The following CRY1 variants were observed in gnomAD, a reference collection of about 807,000 sequenced individuals.
The protein encoded by CRY1 is cryptochrome circadian regulator 1.
Under a neutral mutation model 76.0 loss-of-function variants are expected in CRY1, and 45 were observed. That is an observed-to-expected ratio of 0.59 (90% CI 0.47 to 0.76). The LOEUF is 0.76. Ranked by LOEUF, CRY1 falls within the 30% of genes least tolerant of loss-of-function variation. The probability of loss-of-function intolerance (pLI) is 0.00; values close to 1 mark genes in which losing one functional copy is unlikely to be tolerated. For synonymous variants in CRY1, 248 were observed against 244.0 expected, an observed-to-expected ratio of 1.02 and a Z score of -0.15; for missense variants, 587 against 716.4, an observed-to-expected ratio of 0.82 and a Z score of 2.06.
intron 1 of CRY1, among the ~76,000 whole-genome samples, chr12:107,080,568 G>C (rs968038354): frequency 6.6e-6 from 1 of 151,974 alleles, no homozygotes; most frequent in East Asian, 1.9e-4. Context: ...CACTAATAGC[G>C]CTGGCAGGAA....
chr12:107,033,261 A>G (rs1042018756), intron 1 of CRY1, among the ~76,000 whole-genome samples: 9 of 152,220 alleles, frequency 5.9e-5, no homozygotes, highest in Admixed American at 3.9e-4. Context: ...TTGAATCCAT[A>G]GCTTAAAATC....
chr12:107,054,460 TA>T (rs1952959976), intron 1 of CRY1, among the ~76,000 whole-genome samples: 1 of 151,112 alleles, frequency 6.6e-6, no homozygotes, highest in Non-Finnish European at 1.5e-5. Context: ...AAAAGAATAT[TA>T]AAAAATAGAA....
intron 1 of CRY1, among the ~76,000 whole-genome samples, chr12:107,046,319 C>A (rs912897097): frequency 6.0e-5 from 9 of 151,230 alleles, no homozygotes; most frequent in African/African-American, 2.2e-4. Context: ...CAAAGGCATC[C>A]TACATCTAAA....
intron 1 of CRY1, among the ~76,000 whole-genome samples, chr12:107,062,581 G>C (rs745543717): frequency 6.6e-5 from 10 of 152,020 alleles, no homozygotes; most frequent in Non-Finnish European, 1.3e-4. Flanking sequence ...TTCTTCTCCT[G>C]GTTTTTCTGT....
At chr12:107,006,462 A>T (rs765665576) in intron 2 of CRY1, among the ~76,000 whole-genome samples, 14 of 152,174 alleles carry the variant, frequency 9.2e-5, no homozygotes, top group Non-Finnish European at 1.5e-4. Context: ...TATTTATCCA[A>T]TTTTTTCCTA....
At chr12:107,021,654 G>A (rs1952559621) in intron 2 of CRY1, among the ~76,000 whole-genome samples, 1 of 151,650 alleles carries the variant, frequency 6.6e-6, no homozygotes, top group African/African-American at 2.4e-5. Flanking sequence ...TTAACAAAGG[G>A]GACAGTAACA....
At position 107,031,995 on chromosome 12, in the gene CRY1, C is replaced by T. The variant is rs138033891; in HGVS notation, c.159-9803G>A. 6.5e-4 allele frequency among the ~76,000 whole-genome samples: 99 copies of T among 152,298 alleles called. No individual in the cohort carries two copies. In the East Asian group the frequency reaches 0.018, roughly 28 times the overall value. On this transcript the variant is annotated intron_variant, in intron 1 of 12. Coordinates refer to ENST00000008527, the MANE Select transcript of CRY1 (RefSeq NM_004075.5). ...TGTCGCCCAGGATAGAGTGCAGTGG[C>T]ATGATCTTGGCTCACTGCAACCTCC...
At chr12:107,040,611 T>C (rs1351691963) in intron 1 of CRY1, among the ~76,000 whole-genome samples, 1 of 152,042 alleles carries the variant, frequency 6.6e-6, no homozygotes, top group Non-Finnish European at 1.5e-5. Context: ...AAAAATCTGT[T>C]GTAGAACTTT....
chr12:107,044,216 C>T (rs1952827306), intron 1 of CRY1, among the ~76,000 whole-genome samples: 6 of 152,200 alleles, frequency 3.9e-5, no homozygotes, highest in Admixed American at 3.9e-4. Context: ...GCTGCTGCAG[C>T]TGCTTGTAGG....
At chr12:106,997,272 C>A (rs1952243250) in intron 10 of CRY1, 22 bp downstream of exon 10, 2 of 1,586,948 alleles carry the variant, frequency 1.3e-6, no homozygotes, top group African/African-American at 2.7e-5. Flanking sequence ...TTACTAAGTG[C>A]AGAAATTTCC....
chr12:107,013,377 A>G (rs1403908493), intron 2 of CRY1, among the ~76,000 whole-genome samples: 3 of 152,232 alleles, frequency 2.0e-5, no homozygotes, highest in Non-Finnish European at 1.5e-5. Flanking sequence ...TAGCAACAAA[A>G]TATCTTTAAT....
intron 1 of CRY1, among the ~76,000 whole-genome samples, chr12:107,025,275 C>T (rs1463466959): frequency 2.0e-5 from 3 of 152,160 alleles, no homozygotes; most frequent in Admixed American, 6.5e-5. Flanking sequence ...ACGAGATACA[C>T]TACATATGTA....
intron 10 of CRY1, among the ~76,000 whole-genome samples, chr12:106,996,853 T>C (rs1952238020): frequency 6.6e-6 from 1 of 152,200 alleles, no homozygotes; most frequent in Non-Finnish European, 1.5e-5. Context: ...GACCAGACTT[T>C]ATAAGAAAAA....
At chr12:107,031,591 A>C (rs1952675309) in intron 1 of CRY1, among the ~76,000 whole-genome samples, 1 of 152,204 alleles carries the variant, frequency 6.6e-6, no homozygotes, top group Admixed American at 6.5e-5. Flanking sequence ...AACACCAGTG[A>C]TAGGTCAATC....
chr12:107,010,011 C>A (rs1381402128), intron 2 of CRY1, among the ~76,000 whole-genome samples: 1 of 152,014 alleles, frequency 6.6e-6, no homozygotes, highest in African/African-American at 2.4e-5. Flanking sequence ...CATCTAAGGG[C>A]TTGAAGTTTG....
At chr12:107,064,083 G>T (rs891889570) in intron 1 of CRY1, among the ~76,000 whole-genome samples, 1 of 152,062 alleles carries the variant, frequency 6.6e-6, no homozygotes, top group Non-Finnish European at 1.5e-5. Context: ...GGTTATGAGA[G>T]AACTTTCTGT....
intron 3 of CRY1, among the ~76,000 whole-genome samples, chr12:107,002,321 C>G (rs1036289695): frequency 1.3e-5 from 2 of 152,028 alleles, no homozygotes; most frequent in Non-Finnish European, 2.9e-5. Flanking sequence ...TGGCCCAGCT[C>G]AAAGAATCTC....
At chr12:107,003,519 G>A (rs983230863) in intron 3 of CRY1, among the ~76,000 whole-genome samples, 8 of 152,258 alleles carry the variant, frequency 5.3e-5, no homozygotes, top group Admixed American at 2.0e-4. Context: ...TATACAATAC[G>A]TAGTGATGTA....
intron 1 of CRY1, among the ~76,000 whole-genome samples, chr12:107,077,532 C>A (rs982549282): frequency 1.3e-5 from 2 of 152,202 alleles, no homozygotes; most frequent in African/African-American, 4.8e-5. Context: ...TCTAAACTTA[C>A]TTCAGTCTGT....
Sources: allele counts gnomAD v4.1 joint callset (sites outside exome capture counted in the v4.1 genomes callset), GRCh38; gene constraint gnomAD v4.1.1; transcripts MANE v1.5; gene names NCBI Gene and HGNC (gene_info 2026-07-23, HGNC 2026-07-21).